Variants in CENPP observed in about 807,000 individuals in gnomAD.
CENPP encodes the protein centromere protein P.
Under a neutral mutation model 35.6 loss-of-function variants are expected in CENPP, and 24 were observed. That is an observed-to-expected ratio of 0.67 (90% CI 0.49 to 0.95). The LOEUF (loss-of-function observed/expected upper bound fraction) is 0.95, where lower values mean the gene tolerates loss of function less well. Among genes scored for constraint, CENPP ranks in the 40% least tolerant of loss-of-function variants. The pLI is 0.00. For missense variants in CENPP, 332 were observed against 345.3 expected (o/e 0.96, Z 0.31); for synonymous variants, 120 against 125.5 (o/e 0.96, Z 0.29).
At chr9:92,577,408 G>A (rs755684054) in intron 5 of CENPP, among the ~76,000 whole-genome samples, 8 of 152,160 alleles carry the variant, frequency 5.3e-5, no homozygotes, top group Admixed American at 2.0e-4. Flanking sequence ...CTCACTACTC[G>A]GGAGGCTGTG....
chr9:92,464,654 A>AAAAT, intron 5 of CENPP: 1 of 569,702 alleles, frequency 1.8e-6, no homozygotes, highest in Non-Finnish European at 3.3e-6. Context: ...TAAATGAGTA[A>AAAAT]ATGTCAGGAA....
intron 5 of CENPP, among the ~76,000 whole-genome samples, chr9:92,533,293 C>T (rs1277845371): frequency 1.2e-5 from 1 of 85,422 alleles, no homozygotes; most frequent in Non-Finnish European, 2.1e-5. Flanking sequence ...GAGTGAGACT[C>T]GGTCTCAAAC....
intron 5 of CENPP, among the ~76,000 whole-genome samples, chr9:92,502,908 A>G (rs1846777592): frequency 6.6e-6 from 1 of 150,472 alleles, no homozygotes; most frequent in Admixed American, 6.6e-5. Context: ...CCCAGGCTCA[A>G]GTGATCCTAC....
intron 5 of CENPP, chr9:92,495,669 CT>C: frequency 1.1e-6 from 1 of 881,824 alleles, no homozygotes; most frequent in Non-Finnish European, 1.4e-6. Context: ...TATGCACACC[CT>C]TCTGCCAGCT....
At chr9:92,424,239 T>C (rs1375979229) in intron 5 of CENPP, 1 of 152,206 alleles carries the variant, frequency 6.6e-6, no homozygotes, top group East Asian at 1.9e-4. Flanking sequence ...GTTGATGAAT[T>C]TGTAAATCCT....
chr9:92,501,086 A>T, intron 5 of CENPP: 5 of 1,594,516 alleles, frequency 3.1e-6, no homozygotes, highest in Non-Finnish European at 4.3e-6. Context: ...CAGGGTAGGG[A>T]CATCAGGATG....
intron 5 of CENPP, chr9:92,523,030 G>A: frequency 1.2e-6 from 1 of 819,354 alleles, no homozygotes; most frequent in Non-Finnish European, 1.8e-6. Context: ...ATATGCTATA[G>A]TATTATTGCC....
At chr9:92,326,648 A>C (rs1840524581) in intron 1 of CENPP, among the ~76,000 whole-genome samples, 1 of 152,232 alleles carries the variant, frequency 6.6e-6, no homozygotes, top group Admixed American at 6.5e-5. Flanking sequence ...ACTGAGGCTC[A>C]GAGAAGTTAG....
chr9:92,599,058 C>T (rs1850846643), intron 5 of CENPP, among the ~76,000 whole-genome samples: 1 of 151,752 alleles, frequency 6.6e-6, no homozygotes, highest in Non-Finnish European at 1.5e-5. Context: ...TGAGATCGCA[C>T]CACTGCACTC....
chr9:92,394,525 A>G (rs993033841), intron 5 of CENPP, among the ~76,000 whole-genome samples: 1 of 151,530 alleles, frequency 6.6e-6, no homozygotes, highest in Non-Finnish European at 1.5e-5. Flanking sequence ...TGCCGGGATT[A>G]CAGACGTGAG....
chr9:92,385,912 C>A, intron 5 of CENPP: 1 of 864,648 alleles, frequency 1.2e-6, no homozygotes. Context: ...ATCCTTGTGT[C>A]AAATTAATTA....
intron 5 of CENPP, among the ~76,000 whole-genome samples, chr9:92,449,437 C>CAAAAAAAAAAAAAAAAAAAAAA (rs56218626): frequency 1.8e-5 from 1 of 54,958 alleles, no homozygotes; most frequent in Non-Finnish European, 3.4e-5. Flanking sequence ...ACTCTATCTC[C>CAAAAAAAAAAAAAAAAAAAAAA]AAAAAAAAAA....
intron 5 of CENPP, among the ~76,000 whole-genome samples, chr9:92,449,295 G>GC (rs1338441090): frequency 6.6e-6 from 1 of 151,778 alleles, no homozygotes; most frequent in African/African-American, 2.4e-5. Flanking sequence ...CAAAAAATTA[G>GC]CCGGGCGTGG....
chr9:92,597,283 G>A (rs1324711209), intron 5 of CENPP, among the ~76,000 whole-genome samples: 9 of 152,152 alleles, frequency 5.9e-5, no homozygotes, highest in African/African-American at 2.2e-4. Flanking sequence ...CGACTGCACA[G>A]GGCCTGCAAG....
At chr9:92,358,644 T>C (rs1283054333) in intron 4 of CENPP, among the ~76,000 whole-genome samples, 1 of 152,222 alleles carries the variant, frequency 6.6e-6, no homozygotes, top group Admixed American at 6.5e-5. Flanking sequence ...GTGATTTTTC[T>C]TTCTGCCTAC....
At chr9:92,586,337 G>A (rs959245667) in intron 5 of CENPP, among the ~76,000 whole-genome samples, 11 of 151,876 alleles carry the variant, frequency 7.2e-5, no homozygotes, top group Non-Finnish European at 1.6e-4. Flanking sequence ...GAGCCACCGC[G>A]CCCAGCCTGT....
At chr9:92,539,774 T>A (rs918611616) in intron 5 of CENPP, among the ~76,000 whole-genome samples, 2 of 152,188 alleles carry the variant, frequency 1.3e-5, no homozygotes, top group Non-Finnish European at 2.9e-5. Context: ...TAGCTGAACT[T>A]ACTTTCCCAA....
At chr9:92,503,354 G>A (rs974542922) in intron 5 of CENPP, among the ~76,000 whole-genome samples, 5 of 152,284 alleles carry the variant, frequency 3.3e-5, no homozygotes, top group Non-Finnish European at 5.9e-5. Flanking sequence ...AAGCCCACCC[G>A]TGGTTACATG....
intron 5 of CENPP, among the ~76,000 whole-genome samples, chr9:92,562,542 T>C (rs1193281654): frequency 2.6e-5 from 4 of 151,980 alleles, no homozygotes; most frequent in African/African-American, 7.3e-5. Context: ...CCATTAGAGA[T>C]TTCATAGGTT....
Sources: allele counts gnomAD v4.1 joint callset (sites outside exome capture counted in the v4.1 genomes callset), GRCh38; gene constraint gnomAD v4.1.1; transcripts MANE v1.5; gene names NCBI Gene and HGNC (gene_info 2026-07-23, HGNC 2026-07-21).